POGLUT3: variants seen among roughly 807,000 people sequenced by gnomAD.
POGLUT3 encodes the protein protein O-glucosyltransferase 3.
In POGLUT3, 48 loss-of-function variants were observed where a neutral mutation model predicts 54.3. That is an observed-to-expected ratio of 0.88 (90% CI 0.70 to 1.12). The LOEUF is 1.12. POGLUT3 is among the 50% of genes most tolerant of loss of function. POGLUT3 has a pLI of 0.00. For missense variants in POGLUT3, 629 were observed against 618.7 expected (o/e 1.02, Z -0.18); for synonymous variants, 218 against 237.4 (o/e 0.92, Z 0.75).
In POGLUT3 at chr11:108,498,225, G is replaced by T. The variant is rs2093625966; in HGVS notation, c.142C>A (p.Arg48Ser). The change falls in exon 1 of 8, where the codon CGC becomes AGC. Residue 48 changes from arginine (R) to serine (S), a missense_variant. By Grantham distance (110) the Arg-to-Ser change is moderately radical. Transcript: ENST00000323468. ...TTGACCGCCTGCAGGTAGAAATAGC[G>T]GACCGGCAGGACGACGGCCGCCTGC... ...GLQAAVVLPVRYFYLQAVNSE... is the reference protein window; with the variant it reads ...GLQAAVVLPVSYFYLQAVNSE... 6.6e-7 allele frequency: 1 copy of T among 1,515,394 alleles called. No homozygotes were observed. The highest frequency in any genetic ancestry group is 8.8e-7 in the Non-Finnish European group (1 of 1,133,394). 93.9% of individuals were successfully genotyped at this position (1,515,394 alleles called of 1,614,324 possible).
chr11:108,491,613 C>A (rs1239507309), intron 1 of POGLUT3: 1 of 179,036 alleles, frequency 5.6e-6, no homozygotes, highest in Non-Finnish European at 1.2e-5. Context: ...ATCTCAAACT[C>A]CTGACTTCAA....
rs536714492 is a variant in POGLUT3 at position 108,485,815 on chromosome 11, G to A, written c.684+342C>T. Among the ~76,000 whole-genome samples, 6 of 151,962 alleles carry A rather than the reference G, an allele frequency of 3.9e-5. No homozygotes were observed. The East Asian group carries it at 9.7e-4, about 25-fold the overall frequency. On this transcript the variant is annotated intron_variant, in intron 3 of 7. Transcript: ENST00000323468. ...TGTGATTACAGGCGCCCACCACCAC[G>A]CCCAGCTAATTTTTGTATTTTTAGT...
At chr11:108,476,290 C>T (rs2093581641) in intron 7 of POGLUT3, among the ~76,000 whole-genome samples, 1 of 152,162 alleles carries the variant, frequency 6.6e-6, no homozygotes, top group African/African-American at 2.4e-5. Flanking sequence ...TGTGCCACCA[C>T]ACCTGGCTAA....
chr11:108,481,914 TC>T, intron 4 of POGLUT3, 91 bp downstream of exon 4: 1 of 969,248 alleles, frequency 1.0e-6, no homozygotes, highest in Non-Finnish European at 1.6e-6. Flanking sequence ...CAAGACTTTT[TC>T]TAATATGCTA....
chr11:108,490,300 C>T (rs938137678), intron 2 of POGLUT3, among the ~76,000 whole-genome samples: 4 of 151,914 alleles, frequency 2.6e-5, no homozygotes, highest in African/African-American at 7.3e-5. Context: ...CGGGTTCAAG[C>T]GATTCTCCAG....
At chr11:108,482,369 G>A in intron 3 of POGLUT3, 147 bp from the exon 4 acceptor site, 1 of 606,160 alleles carries the variant, frequency 1.6e-6, no homozygotes, top group South Asian at 2.2e-5. Context: ...TCATTGACAG[G>A]ATGGCTGTGA....
At chr11:108,476,889 C>G (rs543023201) in intron 7 of POGLUT3, among the ~76,000 whole-genome samples, 2 of 152,094 alleles carry the variant, frequency 1.3e-5, no homozygotes, top group Non-Finnish European at 2.9e-5. Context: ...AATAAGGAGG[C>G]GACATTTTGA....
intron 6 of POGLUT3, among the ~76,000 whole-genome samples, chr11:108,478,679 CT>C (rs1309073177): frequency 6.6e-6 from 1 of 152,210 alleles, no homozygotes; most frequent in African/African-American, 2.4e-5. Flanking sequence ...TTGCAAGCAA[CT>C]GAGGCTCTTA....
intron 3 of POGLUT3, among the ~76,000 whole-genome samples, 166 bp from the exon 4 acceptor site, chr11:108,482,388 C>G (rs1287750102): frequency 1.3e-5 from 2 of 152,126 alleles, no homozygotes; most frequent in Non-Finnish European, 2.9e-5. Context: ...GAATTTGTCA[C>G]CTGTGAGGAT....
At chr11:108,489,601 T>C (rs1344873351) in intron 2 of POGLUT3, among the ~76,000 whole-genome samples, 1 of 152,058 alleles carries the variant, frequency 6.6e-6, no homozygotes, top group Non-Finnish European at 1.5e-5. Context: ...CCTATAACTA[T>C]AACTAGAGAC....
rs550614026 is a variant in POGLUT3 at position 108,474,522 on chromosome 11, T to G, written c.*305A>C. ...TATATAAAATTACCTTCAGGGTATG[T>G]GAACAAGGTATATATAAAATATAAA... On this transcript the variant is annotated 3_prime_UTR_variant, in exon 8 of 8. Coordinates refer to ENST00000323468, the MANE Select transcript of POGLUT3 (RefSeq NM_153705.5). The G allele has an allele frequency of 1.1e-5, 2 of 175,646 alleles. No individual in the cohort carries two copies. Among genetic ancestry groups the G allele is most frequent in the East Asian group, 2.9e-4 (2 of 7,010 alleles). 10.9% of individuals were successfully genotyped at this position (175,646 alleles called of 1,614,324 possible).
intron 1 of POGLUT3, 59 bp downstream of exon 1, chr11:108,498,106 C>A (rs2135871312): frequency 2.1e-6 from 3 of 1,410,030 alleles, no homozygotes; most frequent in Middle Eastern, 2.2e-4. Flanking sequence ...GACTCCCGGG[C>A]GGCGGGGACG....
intron 1 of POGLUT3, among the ~76,000 whole-genome samples, chr11:108,491,761 T>G (rs929995712): frequency 1.3e-5 from 2 of 152,184 alleles, no homozygotes; most frequent in Non-Finnish European, 2.9e-5. Flanking sequence ...ATTTACTGCA[T>G]GAACAAAAGC....
At chr11:108,496,104 G>A (rs952522798) in intron 1 of POGLUT3, among the ~76,000 whole-genome samples, 1 of 152,028 alleles carries the variant, frequency 6.6e-6, no homozygotes, top group South Asian at 2.1e-4. Context: ...TGACAAACTA[G>A]CTAATCCAGC....
At chr11:108,475,489 C>T (rs2093580027) in intron 7 of POGLUT3, among the ~76,000 whole-genome samples, 1 of 108,804 alleles carries the variant, frequency 9.2e-6, no homozygotes, top group African/African-American at 3.8e-5. Context: ...TTTTTTGAGA[C>T]ACGGTCTTAC....
chr11:108,492,743 C>T (rs1441568423), intron 1 of POGLUT3, among the ~76,000 whole-genome samples: 5 of 151,898 alleles, frequency 3.3e-5, no homozygotes, highest in Non-Finnish European at 7.4e-5. Flanking sequence ...GATAAAATTA[C>T]GAAATAAATC....
chr11:108,476,460 G>A (rs17108065), intron 7 of POGLUT3, among the ~76,000 whole-genome samples: 10,525 of 152,126 alleles, frequency 0.069, 1,147 homozygotes, highest in African/African-American at 0.23. Context: ...ACTGTTTAAC[G>A]ATTAAAGCTA....
intron 5 of POGLUT3, 56 bp downstream of exon 5, chr11:108,481,124 G>A: frequency 7.2e-7 from 1 of 1,397,062 alleles, no homozygotes; most frequent in Non-Finnish European, 9.7e-7. Context: ...TATTTTGGTA[G>A]ACTTTTAATA....
intron 1 of POGLUT3, among the ~76,000 whole-genome samples, chr11:108,496,317 T>TAA (rs879281708): frequency 1.4e-5 from 2 of 142,826 alleles, no homozygotes; most frequent in Admixed American, 7.0e-5. Flanking sequence ...CCTTGTCTCT[T>TAA]AAAAAAAAAA....
Sources: gnomAD v4.1 joint callset for allele counts (sites outside exome capture counted in the v4.1 genomes callset) on GRCh38, gnomAD v4.1.1 for gene constraint, MANE v1.5 for transcripts, NCBI Gene and HGNC (gene_info 2026-07-23, HGNC 2026-07-21) for gene names.